Variants in CDKAL1 observed in about 807,000 individuals in gnomAD.
CDKAL1 encodes threonylcarbamoyladenosine tRNA methylthiotransferase.
In CDKAL1, 32 loss-of-function variants were observed where a neutral mutation model predicts 68.2. The observed-to-expected ratio is 0.47, with a 90% CI of 0.35 to 0.63. CDKAL1 has a LOEUF of 0.63. Among genes scored for constraint, CDKAL1 ranks in the 30% least tolerant of loss-of-function variants. The probability of loss-of-function intolerance (pLI) is 0.00; values close to 1 mark genes in which losing one functional copy is unlikely to be tolerated. For synonymous variants in CDKAL1, 234 were observed against 244.3 expected (o/e 0.96, Z 0.39); for missense variants, 606 against 696.7 (o/e 0.87, Z 1.47).
intron 9 of CDKAL1, among the ~76,000 whole-genome samples, chr6:20,874,734 A>C (rs1250704941): frequency 6.6e-6 from 1 of 151,870 alleles, no homozygotes; most frequent in Non-Finnish European, 1.5e-5. Flanking sequence ...AACTCCGGGC[A>C]TCAAGTGATC....
intron 10 of CDKAL1, among the ~76,000 whole-genome samples, chr6:20,987,086 T>G (rs1334728908): frequency 2.0e-5 from 3 of 152,186 alleles, no homozygotes; most frequent in Admixed American, 6.5e-5. Context: ...GTTGATTGGT[T>G]TAACTTCACT....
intron 9 of CDKAL1, among the ~76,000 whole-genome samples, chr6:20,935,037 A>G (rs987187957): frequency 2.0e-5 from 3 of 151,648 alleles, no homozygotes; most frequent in African/African-American, 7.3e-5. Flanking sequence ...CTGGGACTAC[A>G]GGCACGTGCC....
At chr6:20,683,976 A>T (rs79332812) in intron 5 of CDKAL1, among the ~76,000 whole-genome samples, 2 of 152,076 alleles carry the variant, frequency 1.3e-5, no homozygotes, top group Non-Finnish European at 2.9e-5. Context: ...GCTTTTTTGG[A>T]TGGGTTCCTT....
At chr6:20,689,180 C>T (rs1451421510) in intron 5 of CDKAL1, among the ~76,000 whole-genome samples, 3 of 152,176 alleles carry the variant, frequency 2.0e-5, no homozygotes, top group African/African-American at 4.8e-5. Flanking sequence ...CTACTGGAAG[C>T]ATGAGGGGAT....
chr6:20,750,340 A>G (rs1236615154), intron 6 of CDKAL1, among the ~76,000 whole-genome samples: 3 of 152,094 alleles, frequency 2.0e-5, no homozygotes, highest in Non-Finnish European at 4.4e-5. Context: ...CAAAGTAGGG[A>G]CATTGTATTT....
At chr6:21,201,404 T>G in intron 15 of CDKAL1, 130 bp downstream of exon 15, 1 of 665,920 alleles carries the variant, frequency 1.5e-6, no homozygotes, top group Non-Finnish European at 2.3e-6. Context: ...TTTAATCCTT[T>G]CTGACAGATT....
chr6:20,543,495 T>TA (rs1304620245), intron 2 of CDKAL1, among the ~76,000 whole-genome samples: 1 of 152,228 alleles, frequency 6.6e-6, no homozygotes, highest in Admixed American at 6.5e-5. Context: ...CTTTGTCAGA[T>TA]ATGTGGTTTG....
intron 13 of CDKAL1, among the ~76,000 whole-genome samples, chr6:21,151,231 C>A (rs1776397924): frequency 6.6e-6 from 1 of 152,114 alleles, no homozygotes; most frequent in Non-Finnish European, 1.5e-5. Context: ...GCTGTCAGCT[C>A]CCTAGCTCTA....
At chr6:21,113,728 C>T (rs1352844166) in intron 13 of CDKAL1, among the ~76,000 whole-genome samples, 1 of 151,286 alleles carries the variant, frequency 6.6e-6, no homozygotes, top group Non-Finnish European at 1.5e-5. Context: ...CTCAGCCTCC[C>T]AAAGTGCTGG....
intron 10 of CDKAL1, among the ~76,000 whole-genome samples, chr6:20,984,811 C>CCGGG (rs1447911694): frequency 1.1e-5 from 1 of 92,286 alleles, no homozygotes; most frequent in African/African-American, 3.3e-5. Flanking sequence ...GGCACAGTAA[C>CCGGG]GGGGGGGGGT....
In CDKAL1 at chr6:20,733,045, T is replaced by C. The variant is rs144772712; in HGVS notation, c.372-6474T>C. 2.6e-3 allele frequency among the ~76,000 whole-genome samples: 392 copies of C among 152,292 alleles called. 4 individuals are homozygous for C. Among genetic ancestry groups the C allele is most frequent in the African/African-American group, 8.9e-3 (368 of 41,572 alleles). ...GGCACTGTAGGCTGGGGAGGACTCT[T>C]AGTCTCAGCTGCCCAGCCGCCCCAG... On this transcript the variant is annotated intron_variant, in intron 5 of 15. Coordinates refer to ENST00000274695, the MANE Select transcript of CDKAL1 (RefSeq NM_017774.3).
intron 4 of CDKAL1, among the ~76,000 whole-genome samples, chr6:20,639,101 G>C (rs936297752): frequency 6.6e-6 from 1 of 151,986 alleles, no homozygotes; most frequent in African/African-American, 2.4e-5. Context: ...TTAGCTATGG[G>C]GTAATAGCCA....
At chr6:21,226,773 C>T (rs1398873094) in intron 15 of CDKAL1, among the ~76,000 whole-genome samples, 2 of 152,118 alleles carry the variant, frequency 1.3e-5, no homozygotes, top group Non-Finnish European at 2.9e-5. Context: ...AGTGCAGTGG[C>T]GCGATCTCGG....
intron 9 of CDKAL1, among the ~76,000 whole-genome samples, chr6:20,864,282 T>C (rs982173953): frequency 2.4e-5 from 3 of 126,402 alleles, no homozygotes; most frequent in East Asian, 4.7e-4. Flanking sequence ...TTTTGCATTT[T>C]ATTGTGTTTC....
In CDKAL1 at chr6:20,912,534, G is replaced by C. The variant is rs1456773387; in HGVS notation, c.743-42885G>C. 2.6e-5 allele frequency among the ~76,000 whole-genome samples: 4 copies of C among 152,282 alleles called. No homozygotes were observed. The East Asian group carries it at 7.7e-4, about 29-fold the overall frequency. On this transcript the variant is annotated intron_variant, in intron 9 of 15. Transcript: ENST00000274695. ...ATAGCTGAATGAGGCAAGTAATCAA[G>C]AATGAAATCAAAGACACCTTGTAAA... is the stretch of plus-strand genomic sequence containing the variant.
At chr6:20,980,781 T>C (rs1027424797) in intron 10 of CDKAL1, among the ~76,000 whole-genome samples, 6 of 152,034 alleles carry the variant, frequency 3.9e-5, no homozygotes, top group Non-Finnish European at 8.8e-5. Context: ...ATACACAACA[T>C]CAAGCCTTCA....
intron 4 of CDKAL1, among the ~76,000 whole-genome samples, chr6:20,605,745 C>T (rs9465829): frequency 0.024 from 3,690 of 152,206 alleles, 136 homozygotes; most frequent in African/African-American, 0.078. Flanking sequence ...CCCCATCAGT[C>T]GTGAAATTTT....
At chr6:21,184,823 ATT>A (rs34599800) in intron 13 of CDKAL1, among the ~76,000 whole-genome samples, 11 of 101,648 alleles carry the variant, frequency 1.1e-4, no homozygotes, top group African/African-American at 4.1e-5. Flanking sequence ...CGTGCAGCTA[ATT>A]TTTTTTTTTT....
At chr6:20,804,529 A>T (rs1258700865) in intron 8 of CDKAL1, among the ~76,000 whole-genome samples, 1 of 152,250 alleles carries the variant, frequency 6.6e-6, no homozygotes, top group Non-Finnish European at 1.5e-5. Context: ...ATACATGAAG[A>T]TTACATGAAA....
Sources: gnomAD v4.1 joint callset for allele counts (sites outside exome capture counted in the v4.1 genomes callset) on GRCh38, gnomAD v4.1.1 for gene constraint, MANE v1.5 for transcripts, NCBI Gene and HGNC (gene_info 2026-07-23, HGNC 2026-07-21) for gene names.